Variants in RB1 observed in about 807,000 individuals in gnomAD.
RB1 encodes retinoblastoma-associated protein.
A neutral mutation model predicts 135.4 loss-of-function variants in RB1; 18 were observed. That is an observed-to-expected ratio of 0.13 (90% CI 0.09 to 0.20). The LOEUF (loss-of-function observed/expected upper bound fraction) is 0.20, where lower values mean the gene tolerates loss of function less well. Among genes scored for constraint, RB1 ranks in the 10% least tolerant of loss-of-function variants. The pLI is 1.00. For missense variants in RB1, 868 were observed against 1,110.0 expected, an observed-to-expected ratio of 0.78 and a Z score of 3.10; for synonymous variants, 365 against 373.2, an observed-to-expected ratio of 0.98 and a Z score of 0.25.
At chr13:48,473,058 T>C (rs1044216312) in intron 23 of RB1, among the ~76,000 whole-genome samples, 1 of 152,190 alleles carries the variant, frequency 6.6e-6, no homozygotes, top group Non-Finnish European at 1.5e-5. Context: ...CATTGATTTA[T>C]GAAGAACTAA....
chr13:48,388,936 G>A (rs1361357920), intron 17 of RB1, among the ~76,000 whole-genome samples: 1 of 151,988 alleles, frequency 6.6e-6, no homozygotes, highest in African/African-American at 2.4e-5. Context: ...GAGGCAGGTG[G>A]ATCACTTGAG....
At chr13:48,400,571 C>T (rs532764730) in intron 17 of RB1, among the ~76,000 whole-genome samples, 3 of 152,196 alleles carry the variant, frequency 2.0e-5, no homozygotes, top group South Asian at 4.1e-4. Flanking sequence ...TTTGAATTAG[C>T]GGATCTTACT....
intron 2 of RB1, among the ~76,000 whole-genome samples, chr13:48,337,861 G>T (rs1952399140): frequency 6.6e-6 from 1 of 152,292 alleles, no homozygotes; most frequent in South Asian, 2.1e-4. Flanking sequence ...AGGAGCTCTT[G>T]TAAGGCAGGC....
chr13:48,317,469 G>T, intron 2 of RB1: 1 of 438,138 alleles, frequency 2.3e-6, no homozygotes, highest in Non-Finnish European at 4.1e-6. Flanking sequence ...CCTGGCTAGG[G>T]GTCAGGAAGC....
At chr13:48,475,168 G>A (rs918187997) in intron 24 of RB1, among the ~76,000 whole-genome samples, 6 of 152,164 alleles carry the variant, frequency 3.9e-5, no homozygotes, top group Admixed American at 1.3e-4. Flanking sequence ...ACTGCACCTG[G>A]CCAGAGAGCT....
intron 17 of RB1, among the ~76,000 whole-genome samples, chr13:48,446,334 C>T (rs1949287333): frequency 6.6e-6 from 1 of 152,182 alleles, no homozygotes; most frequent in Non-Finnish European, 1.5e-5. Context: ...TTAATATCAA[C>T]CTTCTCACTT....
intron 17 of RB1, among the ~76,000 whole-genome samples, chr13:48,431,952 G>A (rs139987557): frequency 9.2e-5 from 14 of 152,010 alleles, no homozygotes; most frequent in African/African-American, 2.7e-4. Context: ...GCTTTTCTAG[G>A]TGCTGGGAAT....
chr13:48,435,719 T>C (rs112516269), intron 17 of RB1, among the ~76,000 whole-genome samples: 3 of 152,346 alleles, frequency 2.0e-5, no homozygotes, highest in African/African-American at 7.2e-5. Context: ...TTTATTTTTG[T>C]ACAAAGTTTG....
chr13:48,372,846 C>A (rs2138129899), intron 11 of RB1, among the ~76,000 whole-genome samples: 1 of 152,128 alleles, frequency 6.6e-6, no homozygotes, highest in Admixed American at 6.5e-5. Context: ...TGATATTTAC[C>A]ATATACTGCC....
At chr13:48,322,947 G>A (rs1012672137) in intron 2 of RB1, among the ~76,000 whole-genome samples, 1 of 151,752 alleles carries the variant, frequency 6.6e-6, no homozygotes. Context: ...TTCTATACGT[G>A]TATTTATAAG....
chr13:48,316,977 A>T, intron 2 of RB1: 2 of 428,312 alleles, frequency 4.7e-6, no homozygotes, highest in Non-Finnish European at 8.5e-6. Context: ...GTCCCTATCG[A>T]TGACCCTTCG....
intron 26 of RB1, among the ~76,000 whole-genome samples, chr13:48,479,625 A>G (rs1467129085): frequency 6.6e-6 from 1 of 151,530 alleles, no homozygotes; most frequent in African/African-American, 2.4e-5. Context: ...AGATTTGGAG[A>G]CCACTGTTTT....
chr13:48,347,841 T>C lies in RB1; in HGVS notation c.517T>C (p.Tyr173His). The C allele has an allele frequency of 6.3e-7, 1 of 1,595,068 alleles. No homozygotes were observed. The highest frequency in any genetic ancestry group is 8.6e-7 in the Non-Finnish European group (1 of 1,163,916). ...TCTTTTCAGGACATGTGAACTTATATATTTGACACAACCCAGCAGTTCGTA... is the reference window on the plus strand; with the variant it reads ...TCTTTTCAGGACATGTGAACTTATACATTTGACACAACCCAGCAGTTCGTA... The part of the protein sequence containing the change: ...SKLERTCELI[Y>H]LTQPSSSIST... The change falls in exon 5 of 27, where the codon TAT (tyrosine) becomes CAT (histidine). Residue 173 changes from tyrosine to histidine, a missense_variant. Coordinates refer to ENST00000267163, the MANE Select transcript of RB1 (RefSeq NM_000321.3).
chr13:48,459,951 T>TTCTTTCTC, intron 20 of RB1, 118 bp downstream of exon 20: 2 of 397,932 alleles, frequency 5.0e-6, no homozygotes. Flanking sequence ...CTTTCTTTCT[T>TTCTTTCTC]TTTCTTTCTT....
rs916579005 is a variant in RB1, at chr13:48,480,802, C to T, written c.*731C>T. The T allele has an allele frequency of 3.1e-5, 7 of 226,754 alleles. No homozygotes were observed. The highest frequency in any genetic ancestry group is 1.3e-4 in the East Asian group (2 of 15,518). 14.0% of individuals were successfully genotyped at this position (226,754 alleles called of 1,614,324 possible). ...CTTACTGATTATTTTCTTCATCCAA[C>T]TTATGTTTTTAAATGAGGATTATTG... On this transcript the variant is annotated 3_prime_UTR_variant, in exon 27 of 27. Transcript: ENST00000267163.
intron 7 of RB1, among the ~76,000 whole-genome samples, chr13:48,361,986 G>C (rs4151484): frequency 1.4e-5 from 2 of 138,572 alleles, no homozygotes; most frequent in Admixed American, 8.0e-5. Flanking sequence ...TCACTCTGTC[G>C]CCCAGGCCTG....
At chr13:48,438,754 AAAT>A (rs2138299438) in intron 17 of RB1, among the ~76,000 whole-genome samples, 1 of 152,316 alleles carries the variant, frequency 6.6e-6, no homozygotes, top group South Asian at 2.1e-4. Flanking sequence ...TGTGAGAATT[AAAT>A]AATATAAGTA....
At chr13:48,318,782 A>C (rs984575793) in intron 2 of RB1, 3 of 732,332 alleles carry the variant, frequency 4.1e-6, no homozygotes, top group Non-Finnish European at 7.2e-6. Context: ...TGTTGGGGCC[A>C]GGCGGTGAAA....
intron 17 of RB1, among the ~76,000 whole-genome samples, chr13:48,445,944 A>G (rs1037208030): frequency 6.6e-6 from 1 of 152,040 alleles, no homozygotes; most frequent in Non-Finnish European, 1.5e-5. Context: ...AGTATATATA[A>G]CTAAGAAGGT....
Sources: gnomAD v4.1 joint callset for allele counts (sites outside exome capture counted in the v4.1 genomes callset) on GRCh38, gnomAD v4.1.1 for gene constraint, MANE v1.5 for transcripts, NCBI Gene and HGNC (gene_info 2026-07-23, HGNC 2026-07-21) for gene names.